Variants in TACC2 observed in about 807,000 individuals in gnomAD.
TACC2 encodes the protein transforming acidic coiled-coil containing protein 2.
A neutral mutation model predicts 227.3 loss-of-function variants in TACC2; 137 were observed. The observed-to-expected ratio is 0.60, with a 90% CI of 0.52 to 0.69. The LOEUF (loss-of-function observed/expected upper bound fraction) is 0.69. TACC2 is among the 30% of genes least tolerant of loss of function. The probability of loss-of-function intolerance (pLI) is 0.00; values close to 1 mark genes in which losing one functional copy is unlikely to be tolerated. For synonymous variants in TACC2, 1,523 were observed against 1,487.5 expected (o/e 1.02, Z -0.55); for missense variants, 3,470 against 3,694.4 (o/e 0.94, Z 1.57).
At chr10:122,164,096 A>G in intron 7 of TACC2, 1 of 1,406,492 alleles carries the variant, frequency 7.1e-7, no homozygotes, top group South Asian at 1.3e-5. Context: ...CCTGGAGCCC[A>G]GGCTGGCCTG....
At position 122,086,074 on chromosome 10, in the gene TACC2, G is replaced by T. The variant is rs367931147; in HGVS notation, c.3574G>T (p.Asp1192Tyr). 19 of 1,613,750 alleles carry T rather than the reference G, an allele frequency of 1.2e-5. No homozygotes were observed. The highest frequency in any genetic ancestry group is 2.7e-5 in the African/African-American group (2 of 74,926). Residue 1192 changes from aspartate (D) to tyrosine (Y), a missense_variant, in exon 4 of 23, where the codon GAT becomes TAT. This residue lies in a region of TACC2 where 1,924 missense variants were observed against 1,978.3 expected (regional missense o/e 0.97). Transcript: ENST00000369005. ...QAEHPMASCQ[D>Y]ALLPARELGG... ...TGAGCACCCCATGGCCAGCTGCCAG[G>T]ATGCCTTGCTGCCAGCCAGAGAGCT...
chr10:122,007,832 G>T (rs1955372486), intron 1 of TACC2, among the ~76,000 whole-genome samples: 1 of 152,172 alleles, frequency 6.6e-6, no homozygotes, highest in Non-Finnish European at 1.5e-5. Flanking sequence ...GCCTTTAATA[G>T]GAGGAAGATG....
intron 5 of TACC2, among the ~76,000 whole-genome samples, chr10:122,128,867 GC>G (rs2138698226): frequency 6.6e-6 from 1 of 151,850 alleles, no homozygotes; most frequent in Admixed American, 6.6e-5. Flanking sequence ...AGGCTATTAT[GC>G]TTGCGCTGTC....
chr10:122,092,174 G>T (rs2080894395), intron 5 of TACC2, among the ~76,000 whole-genome samples: 1 of 152,156 alleles, frequency 6.6e-6, no homozygotes, highest in Non-Finnish European at 1.5e-5. Context: ...CTTCAACCTG[G>T]CTGTCTTTCT....
intron 8 of TACC2, among the ~76,000 whole-genome samples, chr10:122,200,972 C>G (rs1219529888): frequency 7.6e-6 from 1 of 131,982 alleles, no homozygotes; most frequent in African/African-American, 2.7e-5. Context: ...GCCACATCTA[C>G]AGTGAGAGGA....
intron 1 of TACC2, among the ~76,000 whole-genome samples, chr10:121,991,849 T>C (rs1953038834): frequency 6.6e-6 from 1 of 152,162 alleles, no homozygotes; most frequent in African/African-American, 2.4e-5. Context: ...GGACTCACAG[T>C]TCCGTGTGGC....
At chr10:122,200,133 A>G (rs903743626) in intron 8 of TACC2, among the ~76,000 whole-genome samples, 4 of 152,178 alleles carry the variant, frequency 2.6e-5, no homozygotes, top group African/African-American at 7.2e-5. Context: ...CCTCTTCACA[A>G]TGTGAGTGTT....
chr10:122,091,757 G>T (rs1417015901), intron 5 of TACC2, among the ~76,000 whole-genome samples: 2 of 152,100 alleles, frequency 1.3e-5, no homozygotes, highest in African/African-American at 4.8e-5. Flanking sequence ...GTACTTCCTA[G>T]GAGGGGCAGG....
At chr10:122,026,915 A>G (rs1958104458) in intron 2 of TACC2, among the ~76,000 whole-genome samples, 1 of 152,254 alleles carries the variant, frequency 6.6e-6, no homozygotes, top group Non-Finnish European at 1.5e-5. Context: ...AAATAAAACT[A>G]CTATAAACAT....
intron 5 of TACC2, among the ~76,000 whole-genome samples, chr10:122,127,320 G>A (rs1351689999): frequency 1.3e-5 from 2 of 152,218 alleles, no homozygotes; most frequent in Non-Finnish European, 2.9e-5. Context: ...CCATCCCAGT[G>A]CCCGCCTTGG....
chr10:122,086,619 C>T lies in TACC2; in HGVS notation c.4119C>T (p.Ser1373=), dbSNP rs146003266. Residue 1373 remains serine (S), a synonymous_variant, in exon 4 of 23, where the codon AGC becomes AGT. Coordinates refer to ENST00000369005, the MANE Select transcript of TACC2 (RefSeq NM_206862.4). ...AGDAAGETEG[S]MERMGEPSQD... ...ATGCAGCAGGAGAGACAGAGGGCAGCATGGAGAGGATGGGAGAGCCTTCCC... is the reference window on the plus strand; with the variant it reads ...ATGCAGCAGGAGAGACAGAGGGCAGTATGGAGAGGATGGGAGAGCCTTCCC... 33 of 1,599,602 alleles carry T rather than the reference C, an allele frequency of 2.1e-5. No individual in the cohort carries two copies. The African/African-American group carries it at 3.1e-4, about 15-fold the overall frequency.
intron 16 of TACC2, 47 bp from the exon 17 acceptor site, chr10:122,237,348 A>T: frequency 6.4e-7 from 1 of 1,560,728 alleles, no homozygotes; most frequent in South Asian, 1.2e-5. Flanking sequence ...TCTTTGTCGT[A>T]TGATTAATGC....
intron 7 of TACC2, among the ~76,000 whole-genome samples, chr10:122,178,971 GAAC>G (rs2093858699): frequency 6.6e-6 from 1 of 152,176 alleles, no homozygotes; most frequent in Admixed American, 6.5e-5. Flanking sequence ...TAAGTAGCAG[GAAC>G]ATTGAGATAA....
chr10:122,044,061 A>G (rs1026572560), intron 2 of TACC2, among the ~76,000 whole-genome samples: 4 of 152,208 alleles, frequency 2.6e-5, no homozygotes, highest in Non-Finnish European at 4.4e-5. Flanking sequence ...CATAATCATC[A>G]AAACACACGT....
At chr10:122,226,754 C>T (rs963392765) in intron 13 of TACC2, among the ~76,000 whole-genome samples, 2 of 152,142 alleles carry the variant, frequency 1.3e-5, no homozygotes, top group Admixed American at 1.3e-4. Context: ...ACACTTCAGT[C>T]TCTCTGAATG....
In TACC2 at chr10:122,227,874, G is replaced by A. The variant is rs1271256611; in HGVS notation, c.7762G>A (p.Ala2588Thr). The part of the protein sequence containing the change: ...FEETEALVNT[A>T]AKNQHPVPRG... ...AGAGACTGAAGCCCTTGTGAACACT[G>A]CTGCGAAAAACCAGCATCCTGTCCC... The change falls in exon 14 of 23, where the codon GCT (alanine) becomes ACT (threonine). Residue 2588 changes from alanine to threonine, a missense_variant. Ala to Thr is a moderately conservative substitution (Grantham distance 58). Around this residue, in one of 10 missense-constraint regions of TACC2, gnomAD observed 345 missense variants for 354.4 expected, o/e 0.97. Coordinates refer to ENST00000369005, the MANE Select transcript of TACC2 (RefSeq NM_206862.4). 6.2e-7 allele frequency: 1 copy of A among 1,614,184 alleles called. No homozygotes were observed. Among genetic ancestry groups the A allele is most frequent in the South Asian group, 1.1e-5 (1 of 91,078 alleles).
Position 122,210,397 on chromosome 10 carries a change from G to T in TACC2, c.5972G>T (p.Gly1991Val). The T allele has an allele frequency of 6.2e-7, 1 of 1,612,878 alleles. No individual in the cohort carries two copies. Among genetic ancestry groups the T allele is most frequent in the Non-Finnish European group, 8.5e-7 (1 of 1,178,996 alleles). The change falls in exon 9 of 23, where the codon GGA becomes GTA. Residue 1991 changes from glycine to valine, a missense_variant and splice_region_variant. By Grantham distance (109) the Gly-to-Val change is moderately radical. This residue lies in a region of TACC2 where 593 missense variants were observed against 636.6 expected (regional missense o/e 0.93). Coordinates refer to ENST00000369005, the MANE Select transcript of TACC2 (RefSeq NM_206862.4). The surrounding 1 kb of genome is among the most constrained non-coding windows in gnomAD (Gnocchi z 4.6). ...VSTQPPPEEP[G>V]CGSETVPVPD... is the part of the protein sequence containing the mutation. ...GATGGCGTTGTCTGTGTTTCCCCAGGATGTGGTTCTGAGACAGTCCCTGTC... is the reference window on the plus strand; with the variant it reads ...GATGGCGTTGTCTGTGTTTCCCCAGTATGTGGTTCTGAGACAGTCCCTGTC...
chr10:122,084,305 TC>T lies in TACC2; in HGVS notation c.1806del (p.Phe602LeufsTer9), dbSNP rs1250989108. ...GNLQGEDSQA[F>X]SSKRDPEVGK... ...CTGCAAGGAGAGGACTCTCAGGCTT[TC>T]AGCAGCAAGCGTGATCCAGAAGTAG... On this transcript the variant is annotated frameshift_variant, in exon 4 of 23. Coordinates refer to ENST00000369005, the MANE Select transcript of TACC2 (RefSeq NM_206862.4). LOFTEE classifies it high-confidence loss of function. 1.9e-6 allele frequency: 3 copies of T among 1,613,914 alleles called. No homozygotes were observed. In the Admixed American group the frequency reaches 5.0e-5, roughly 27 times the overall value.
In TACC2 at chr10:122,119,185, A is replaced by G. The variant is rs1024097555; in HGVS notation, c.5574-13424A>G. Reference sequence around the variant, plus strand: ...ACACTATTAGACTTTCTATTTCTACATATATTTTTTCCTCTTATTTCTTTT... The same window carrying G: ...ACACTATTAGACTTTCTATTTCTACGTATATTTTTTCCTCTTATTTCTTTT... On this transcript the variant is annotated intron_variant, in intron 5 of 22. Transcript: ENST00000369005. Among the ~76,000 whole-genome samples the G allele has an allele frequency of 3.9e-5, 6 of 152,146 alleles. 1 individual carries two copies. Among genetic ancestry groups the G allele is most frequent in the African/African-American group, 1.4e-4 (6 of 41,438 alleles).
Sources: gnomAD v4.1 joint callset for allele counts (sites outside exome capture counted in the v4.1 genomes callset) on GRCh38, gnomAD v4.1.1 for gene constraint, gnomAD v4.1.1 regional missense constraint, Gnocchi (gnomAD v3.1) non-coding constraint, MANE v1.5 for transcripts, NCBI Gene and HGNC (gene_info 2026-07-23, HGNC 2026-07-21) for gene names.